Variants in EXOC4 observed in about 807,000 individuals in gnomAD.
The protein encoded by EXOC4 is SEC8-like 1.
Under a neutral mutation model 107.2 loss-of-function variants are expected in EXOC4, and 71 were observed. The observed-to-expected ratio is 0.66, with a 90% CI of 0.55 to 0.81. The LOEUF is 0.81. Among genes scored for constraint, EXOC4 ranks in the 30% least tolerant of loss-of-function variants. The probability of loss-of-function intolerance (pLI) is 0.00; values close to 1 mark genes in which losing one functional copy is unlikely to be tolerated. For synonymous variants in EXOC4, 456 were observed against 441.2 expected (o/e 1.03, Z -0.42); for missense variants, 1,108 against 1,189.6 (o/e 0.93, Z 1.01).
chr7:133,285,261 G>A lies in EXOC4; in HGVS notation c.277-3661G>A, dbSNP rs147442364. Among the ~76,000 whole-genome samples, 563 of 152,276 alleles carry A rather than the reference G, an allele frequency of 3.7e-3. 4 individuals are homozygous for A. The highest frequency in any genetic ancestry group is 7.1e-3 in the Admixed American group (109 of 15,296). ...TTTTCCTGGAGTTACTGATTGGATAGTCCTGTTGCCTTTCTTCTGTATTGT... is the reference window on the plus strand; with the variant it reads ...TTTTCCTGGAGTTACTGATTGGATAATCCTGTTGCCTTTCTTCTGTATTGT... On this transcript the variant is annotated intron_variant, in intron 2 of 17. Transcript: ENST00000253861.
rs1799067852 is a variant in EXOC4, at chr7:133,478,292, T to C, written c.1329-1758T>C. ...ACATTTTCAAACATTTAGCCAGTGCTTCTGAAGTTGTGGTATTGGGAAAAA... is the reference window on the plus strand; with the variant it reads ...ACATTTTCAAACATTTAGCCAGTGCCTCTGAAGTTGTGGTATTGGGAAAAA... On this transcript the variant is annotated intron_variant, in intron 8 of 17. Transcript: ENST00000253861. Among the ~76,000 whole-genome samples, 3 of 150,820 alleles carry C rather than the reference T, an allele frequency of 2.0e-5. No individual in the cohort carries two copies. In the South Asian group the frequency reaches 6.3e-4, roughly 31 times the overall value.
intron 10 of EXOC4, among the ~76,000 whole-genome samples, chr7:133,764,853 G>A (rs898861682): frequency 6.6e-6 from 1 of 152,148 alleles, no homozygotes; most frequent in East Asian, 1.9e-4. Flanking sequence ...ACATCTGGAA[G>A]GTGGTGGGAA....
chr7:133,423,492 G>A lies in EXOC4; in HGVS notation c.1182+48490G>A, dbSNP rs184918432. On this transcript the variant is annotated intron_variant, in intron 7 of 17. Transcript: ENST00000253861. The stretch of plus-strand genomic sequence containing the variant: ...GGTGATTGTGTAGGTGTGAGTATGT[G>A]CATGTGTGTAGACTTTTGTCAGTTT... 3.0e-4 allele frequency among the ~76,000 whole-genome samples: 46 copies of A among 152,320 alleles called. 1 individual carries two copies. The highest frequency in any genetic ancestry group is 1.1e-3 in the African/African-American group (46 of 41,570).
chr7:133,380,215 G>A (rs1796584015), intron 7 of EXOC4, among the ~76,000 whole-genome samples: 1 of 149,090 alleles, frequency 6.7e-6, no homozygotes, highest in South Asian at 2.1e-4. Context: ...TTGTGCACAT[G>A]TACCCTAGAA....
At chr7:133,285,244 G>A (rs751492298) in intron 2 of EXOC4, among the ~76,000 whole-genome samples, 8 of 152,088 alleles carry the variant, frequency 5.3e-5, no homozygotes, top group Non-Finnish European at 7.4e-5. Context: ...TGTTTTCCTG[G>A]AGTTACTGAT....
At chr7:133,305,831 GTTA>G (rs754402692) in intron 3 of EXOC4, 43 bp from the exon 4 acceptor site, 2 of 1,425,562 alleles carry the variant, frequency 1.4e-6, no homozygotes, top group African/African-American at 2.9e-5. Flanking sequence ...ATATTGCCAG[GTTA>G]TTAAGTTGTA....
intron 17 of EXOC4, among the ~76,000 whole-genome samples, chr7:134,034,878 A>G (rs921097096): frequency 2.6e-5 from 4 of 152,192 alleles, no homozygotes; most frequent in African/African-American, 9.6e-5. Flanking sequence ...TCATCATGCA[A>G]ACAAAGCATG....
At chr7:133,547,314 CTG>C (rs1800500589) in intron 9 of EXOC4, among the ~76,000 whole-genome samples, 1 of 152,152 alleles carries the variant, frequency 6.6e-6, no homozygotes, top group African/African-American at 2.4e-5. Context: ...ATAAAAAATA[CTG>C]ATGATCATCT....
intron 9 of EXOC4, among the ~76,000 whole-genome samples, chr7:133,588,940 ATG>A (rs1444512019): frequency 6.6e-6 from 1 of 150,630 alleles, no homozygotes; most frequent in Admixed American, 6.6e-5. Flanking sequence ...GTGTGTGTGT[ATG>A]TATATGTGTG....
intron 14 of EXOC4, among the ~76,000 whole-genome samples, chr7:133,958,039 G>A (rs1367362426): frequency 1.3e-5 from 2 of 152,170 alleles, no homozygotes; most frequent in Non-Finnish European, 2.9e-5. Flanking sequence ...GATACTTCCT[G>A]TTAATTTAGA....
At chr7:134,083,336 T>C in the EXOC4 span, among the ~76,000 whole-genome samples, 1 of 152,192 alleles carries the variant, frequency 6.6e-6, no homozygotes, top group African/African-American at 2.4e-5. Flanking sequence ...CTTGCTCATG[T>C]CTAAGGCAGA....
intron 10 of EXOC4, among the ~76,000 whole-genome samples, chr7:133,694,041 G>A (rs1371597343): frequency 2.0e-5 from 3 of 151,928 alleles, no homozygotes; most frequent in Admixed American, 6.6e-5. Context: ...CAAGGTGGGC[G>A]GATCATGAGG....
At chr7:133,494,535 G>C (rs930296740) in intron 9 of EXOC4, among the ~76,000 whole-genome samples, 3 of 152,164 alleles carry the variant, frequency 2.0e-5, no homozygotes, top group Non-Finnish European at 4.4e-5. Flanking sequence ...TGTTATTGAG[G>C]ACCATTAACT....
intron 5 of EXOC4, among the ~76,000 whole-genome samples, chr7:133,318,524 G>A (rs116184189): frequency 0.02 from 2,975 of 152,244 alleles, 79 homozygotes; most frequent in African/African-American, 0.068. Flanking sequence ...AAATTGTAAT[G>A]TTTATTATCA....
At chr7:133,858,217 C>T (rs555792880) in intron 11 of EXOC4, among the ~76,000 whole-genome samples, 2 of 152,292 alleles carry the variant, frequency 1.3e-5, no homozygotes, top group Non-Finnish European at 2.9e-5. Context: ...CCACAAACAA[C>T]TGGAGGGTAA....
intron 10 of EXOC4, among the ~76,000 whole-genome samples, chr7:133,747,831 G>A (rs1467288252): frequency 6.6e-6 from 1 of 152,090 alleles, no homozygotes; most frequent in Non-Finnish European, 1.5e-5. Flanking sequence ...TTCTGAGACA[G>A]TGTTTTAAAT....
chr7:133,861,872 G>C (rs1231372555), intron 11 of EXOC4, among the ~76,000 whole-genome samples: 1 of 152,284 alleles, frequency 6.6e-6, no homozygotes. Flanking sequence ...GGGTGATTCT[G>C]TTGAAGGTGT....
the EXOC4 span, among the ~76,000 whole-genome samples, chr7:134,073,946 C>T: frequency 6.6e-6 from 1 of 152,180 alleles, no homozygotes; most frequent in Non-Finnish European, 1.5e-5. Flanking sequence ...TGTCGTCAGG[C>T]CCTGCCCTCC....
intron 9 of EXOC4, among the ~76,000 whole-genome samples, chr7:133,549,494 C>A (rs1479069001): frequency 1.3e-5 from 2 of 151,998 alleles, no homozygotes; most frequent in Admixed American, 1.3e-4. Flanking sequence ...AGTTTGCAGT[C>A]TTGTATGAGT....
Sources: gnomAD v4.1 joint callset for allele counts (sites outside exome capture counted in the v4.1 genomes callset) on GRCh38, gnomAD v4.1.1 for gene constraint, MANE v1.5 for transcripts, NCBI Gene and HGNC (gene_info 2026-07-23, HGNC 2026-07-21) for gene names.